RAB20: variants seen among roughly 807,000 people sequenced by gnomAD.
RAB20 encodes the protein RAB20, member RAS oncogene family.
RAB20 carries 2 observed loss-of-function variants against 3.7 expected under a neutral mutation model. The observed-to-expected ratio is 0.54, with a 90% confidence interval of 0.22 to 1.69. The LOEUF is 1.69. RAB20 is among the 40% of genes most tolerant of loss of function. The probability of loss-of-function intolerance (pLI) is 0.19; values close to 1 mark genes in which losing one functional copy is unlikely to be tolerated. For synonymous variants in RAB20, 126 were observed against 130.8 expected (o/e 0.96, Z 0.25); for missense variants, 276 against 311.9 (o/e 0.88, Z 0.87).
intron 1 of RAB20, among the ~76,000 whole-genome samples, chr13:110,527,062 T>A (rs1017934684): frequency 1.1e-4 from 16 of 150,910 alleles, no homozygotes; most frequent in African/African-American, 3.7e-4. Context: ...TGCACACATG[T>A]GGCTCTCTAA....
At chr13:110,550,762 T>G (rs1408859821) in intron 1 of RAB20, among the ~76,000 whole-genome samples, 1 of 152,210 alleles carries the variant, frequency 6.6e-6, no homozygotes, top group Non-Finnish European at 1.5e-5. Flanking sequence ...TCCAAGGTTT[T>G]GGGCTGTAAT....
In RAB20 at chr13:110,523,552, G is replaced by T; in HGVS notation, c.*113C>A. On this transcript the variant is annotated 3_prime_UTR_variant, in exon 2 of 2. Transcript: ENST00000267328. ...ATTTCCACTCCAACATTCTGCTGCG[G>T]GTGTCATTCTGGAAAATAATTCCTT... 1 of 1,482,682 alleles carries T rather than the reference G, an allele frequency of 6.7e-7. No homozygotes were observed. The highest frequency in any genetic ancestry group is 9.0e-7 in the Non-Finnish European group (1 of 1,114,564). 91.8% of individuals were successfully genotyped at this position (1,482,682 alleles called of 1,614,324 possible).
intron 1 of RAB20, among the ~76,000 whole-genome samples, chr13:110,530,218 CG>C (rs1228849944): frequency 1.1e-5 from 1 of 94,518 alleles, no homozygotes. Flanking sequence ...AGGTCCCACC[CG>C]CCCCACCTCT....
chr13:110,558,334 G>C (rs1033378280), intron 1 of RAB20, among the ~76,000 whole-genome samples: 1 of 151,426 alleles, frequency 6.6e-6, no homozygotes, highest in Non-Finnish European at 1.5e-5. Context: ...AGTTGGAGTT[G>C]GATGAACCAA....
intron 1 of RAB20, among the ~76,000 whole-genome samples, chr13:110,554,315 C>T (rs1885003151): frequency 6.6e-6 from 1 of 152,146 alleles, no homozygotes; most frequent in African/African-American, 2.4e-5. Flanking sequence ...ACAGCATCAT[C>T]ACAATTCCAA....
rs757905549 is a variant in RAB20, at chr13:110,523,937, C to T, written c.433G>A (p.Ala145Thr). Reference protein sequence around the residue: ...MDAGDRVSPRAPKQVQLEDAV... With the variant: ...MDAGDRVSPRTPKQVQLEDAV... ...TCCTCCAGCTGCACCTGCTTAGGTG[C>T]CCTTGGGGAGACACGGTCCCCAGCG... is the stretch of plus-strand genomic sequence containing the variant. Residue 145 changes from alanine (A) to threonine (T), a missense_variant, in exon 2 of 2, where the codon GCA (alanine) becomes ACA (threonine). Transcript: ENST00000267328. The T allele has an allele frequency of 1.9e-6, 3 of 1,614,158 alleles. No individual in the cohort carries two copies. The highest frequency in any genetic ancestry group is 2.5e-6 in the Non-Finnish European group (3 of 1,180,024).
At chr13:110,559,481 G>A (rs55856997) in intron 1 of RAB20, among the ~76,000 whole-genome samples, 2,825 of 151,962 alleles carry the variant, frequency 0.019, 39 homozygotes, top group Middle Eastern at 0.058. Flanking sequence ...ACCCGGTCAG[G>A]CCACAGGCCA....
chr13:110,531,286 T>C (rs544774180), intron 1 of RAB20, among the ~76,000 whole-genome samples: 6 of 152,200 alleles, frequency 3.9e-5, no homozygotes, highest in Non-Finnish European at 7.4e-5. Context: ...GGTGGGCTGC[T>C]GGGCAGGAGA....
chr13:110,557,727 C>T (rs895855855), intron 1 of RAB20, among the ~76,000 whole-genome samples: 2 of 152,264 alleles, frequency 1.3e-5, no homozygotes, highest in African/African-American at 4.8e-5. Context: ...GGGCTCCCCG[C>T]CGCCTTCCAA....
chr13:110,531,098 G>A lies in RAB20; in HGVS notation c.173-6901C>T, dbSNP rs537943298. ...TGAGTCCTCAGGGTTTATTATGCTC[G>A]TGCAGGCTTCCCTTTCCCATGTTTT... On this transcript the variant is annotated intron_variant, in intron 1 of 1. Coordinates refer to ENST00000267328, the MANE Select transcript of RAB20 (RefSeq NM_017817.3). Among the ~76,000 whole-genome samples, 47 of 152,314 alleles carry A rather than the reference G, an allele frequency of 3.1e-4. 1 individual carries two copies. In the South Asian group the frequency reaches 8.9e-3, roughly 29 times the overall value.
chr13:110,525,324 C>T lies in RAB20; in HGVS notation c.173-1127G>A, dbSNP rs143623996. Reference sequence around the variant, plus strand: ...CTAAAAAGGAAGATTAAAAGGTCCCCAGCTCTGTGTACTTTTACAATGCAG... The same window carrying T: ...CTAAAAAGGAAGATTAAAAGGTCCCTAGCTCTGTGTACTTTTACAATGCAG... On this transcript the variant is annotated intron_variant, in intron 1 of 1. Transcript: ENST00000267328. 1.7e-4 allele frequency among the ~76,000 whole-genome samples: 26 copies of T among 152,334 alleles called. No homozygotes were observed. The East Asian group carries it at 5.0e-3, about 29-fold the overall frequency.
chr13:110,547,938 T>C (rs1326906219), intron 1 of RAB20, among the ~76,000 whole-genome samples: 1 of 152,202 alleles, frequency 6.6e-6, no homozygotes, highest in Non-Finnish European at 1.5e-5. Context: ...CTTTAAAATA[T>C]AGGTAAGCAT....
chr13:110,551,682 C>T (rs1884953741), intron 1 of RAB20, among the ~76,000 whole-genome samples: 1 of 152,002 alleles, frequency 6.6e-6, no homozygotes, highest in African/African-American at 2.4e-5. Context: ...GCTGTTTAGG[C>T]GTGTGTGTTT....
At chr13:110,540,904 C>T (rs1402004597) in intron 1 of RAB20, among the ~76,000 whole-genome samples, 1 of 152,194 alleles carries the variant, frequency 6.6e-6, no homozygotes, top group African/African-American at 2.4e-5. Context: ...ACTGCCCCGA[C>T]CCTCACGGCT....
chr13:110,541,050 G>C (rs1039086134), intron 1 of RAB20, among the ~76,000 whole-genome samples: 2 of 152,150 alleles, frequency 1.3e-5, no homozygotes, highest in Non-Finnish European at 2.9e-5. Flanking sequence ...CTGCCAGCCC[G>C]AGGACCTTGC....
intron 1 of RAB20, among the ~76,000 whole-genome samples, chr13:110,535,376 G>A (rs1030997392): frequency 6.6e-6 from 1 of 151,548 alleles, no homozygotes; most frequent in African/African-American, 2.4e-5. Flanking sequence ...AGACACTCAC[G>A]GGCTGCTTGG....
At chr13:110,548,538 C>G (rs1884894319) in intron 1 of RAB20, among the ~76,000 whole-genome samples, 1 of 44,686 alleles carries the variant, frequency 2.2e-5, no homozygotes. Flanking sequence ...GTCCACAATT[C>G]AGTCTCACCT....
At chr13:110,543,967 G>A (rs1010439281) in intron 1 of RAB20, among the ~76,000 whole-genome samples, 7 of 151,868 alleles carry the variant, frequency 4.6e-5, no homozygotes, top group African/African-American at 1.7e-4. Flanking sequence ...TAGAGATGTG[G>A]TTTCACCTTG....
chr13:110,526,979 G>A (rs1884441094), intron 1 of RAB20, among the ~76,000 whole-genome samples: 1 of 152,134 alleles, frequency 6.6e-6, no homozygotes. Context: ...GGGGGCCGAG[G>A]GGTCTTGACA....
Sources: gnomAD v4.1 joint callset for allele counts (sites outside exome capture counted in the v4.1 genomes callset) on GRCh38, gnomAD v4.1.1 for gene constraint, MANE v1.5 for transcripts, NCBI Gene and HGNC (gene_info 2026-07-23, HGNC 2026-07-21) for gene names.